PARP6: variants seen among roughly 807,000 people sequenced by gnomAD.
PARP6 encodes the protein poly(ADP-ribose) polymerase family member 6.
Under a neutral mutation model 92.0 loss-of-function variants are expected in PARP6, and 27 were observed. The observed-to-expected ratio is 0.29, with a 90% confidence interval of 0.22 to 0.40. PARP6 has a LOEUF of 0.40. Ranked by LOEUF, PARP6 falls within the 10% of genes least tolerant of loss-of-function variation. The pLI is 1.00. For missense variants in PARP6, 501 were observed against 784.5 expected, an observed-to-expected ratio of 0.64 and a Z score of 4.32; for synonymous variants, 272 against 281.2, an observed-to-expected ratio of 0.97 and a Z score of 0.33.
chr15:72,242,033 G>C lies in PARP6; in HGVS notation c.1706-48C>G, dbSNP rs2083111945. 6.6e-7 allele frequency: 1 copy of C among 1,507,302 alleles called. No homozygotes were observed. Among genetic ancestry groups the C allele is most frequent in the Non-Finnish European group, 9.2e-7 (1 of 1,082,566 alleles). The allele number at this position is 1,507,302 out of a possible 1,614,324, so 93.4% of individuals were successfully genotyped here. On this transcript the variant is annotated intron_variant, in intron 22 of 23. Transcript: ENST00000569795. This position sits in a 1 kb window ranked among gnomAD's most constrained non-coding sequence, Gnocchi z 4.3. ...TCATAGATACAATGCTTAAGGCACA[G>C]AGTCCAGGCAGGAGAAGGAAGCCAT... is the stretch of plus-strand genomic sequence containing the variant.
intron 15 of PARP6, 124 bp downstream of exon 15, chr15:72,254,331 G>C (rs1423417803): frequency 1.5e-6 from 1 of 674,628 alleles, no homozygotes; most frequent in Non-Finnish European, 2.6e-6. Flanking sequence ...AAAGAGGAAA[G>C]ACTAAAAAAA....
At chr15:72,245,586 C>T (rs1402402733) in intron 20 of PARP6, 2 of 152,184 alleles carry the variant, frequency 1.3e-5, no homozygotes, top group African/African-American at 4.8e-5. Context: ...ATAAGAAAAT[C>T]ATTTAACTTT....
At position 72,265,424 on chromosome 15, in the gene PARP6, T is replaced by C; in HGVS notation, c.226A>G (p.Ser76Gly). 1 of 1,613,320 alleles carries C rather than the reference T, an allele frequency of 6.2e-7. No homozygotes were observed. The highest frequency in any genetic ancestry group is 8.5e-7 in the Non-Finnish European group (1 of 1,179,218). The change falls in exon 6 of 24, where the codon AGC (serine) becomes GGC (glycine). Residue 76 changes from serine (S) to glycine (G), a missense_variant. Transcript: ENST00000569795. Reference protein sequence around the residue: ...DVDIDLHINISFLDEEVSTAW... With the variant: ...DVDIDLHINIGFLDEEVSTAW... ...CTAGCCCCACTTACATCGAGGAAGC[T>C]GATGTTGATGTGGAGGTCAATGTCC...
Position 72,261,607 on chromosome 15 carries a change from T to C in PARP6, c.496A>G (p.Thr166Ala). 1.9e-6 allele frequency: 3 copies of C among 1,614,142 alleles called. No homozygotes were observed. The highest frequency in any genetic ancestry group is 1.7e-6 in the Non-Finnish European group (2 of 1,179,988). The stretch of plus-strand genomic sequence containing the variant: ...AGGCCAGCTCGGAACTTCTTGATGG[T>C]ACCACTTGCCTTGAACCAACTGTGC... ...KRHSWFKASG[T>A]IKKFRAGLSI... Residue 166 changes from threonine to alanine, a missense_variant, in exon 9 of 24, where the codon ACC (threonine) becomes GCC (alanine). This residue lies in a region of PARP6 where 291 missense variants were observed against 352.0 expected (regional missense o/e 0.83). Coordinates refer to ENST00000569795, the MANE Select transcript of PARP6 (RefSeq NM_001323532.2).
chr15:72,241,512 G>A lies in PARP6; in HGVS notation c.1836C>T (p.Asp612=), dbSNP rs749244422. Residue 612 remains aspartate, a synonymous_variant, in exon 24 of 24, where the codon GAC becomes GAT. Transcript: ENST00000569795. This position sits in a 1 kb window ranked among gnomAD's most constrained non-coding sequence, Gnocchi z 4.1. ...QVGDANINTQ[D]PKIQKEIMRV... Reference sequence around the variant, plus strand: ...GCATGATTTCCTTCTGTATCTTGGGGTCCTGAGTATTAATGTTGGCATCGC... The same window carrying A: ...GCATGATTTCCTTCTGTATCTTGGGATCCTGAGTATTAATGTTGGCATCGC... 1.9e-6 allele frequency: 3 copies of A among 1,614,102 alleles called. No homozygotes were observed. Among genetic ancestry groups the A allele is most frequent in the Non-Finnish European group, 2.5e-6 (3 of 1,179,980 alleles).
At chr15:72,256,381 G>T in intron 14 of PARP6, 84 bp downstream of exon 14, 1 of 1,178,206 alleles carries the variant, frequency 8.5e-7, no homozygotes, top group Non-Finnish European at 1.1e-6. Context: ...TCCAAGCCCT[G>T]TATATACCAG....
intron 19 of PARP6, among the ~76,000 whole-genome samples, chr15:72,249,644 G>A (rs1274616912): frequency 6.6e-6 from 1 of 152,230 alleles, no homozygotes; most frequent in African/African-American, 2.4e-5. Context: ...GCCAGAAGGA[G>A]GGCCAATACA....
rs1290677896 is a variant in PARP6 at position 72,249,152 on chromosome 15, T to C, written c.1561+93A>G. 5.2e-5 allele frequency: 34 copies of C among 653,100 alleles called. No individual in the cohort carries two copies. In the Admixed American group the frequency reaches 7.1e-4, roughly 14 times the overall value. The allele number at this position is 653,100 out of a possible 1,614,324, so 40.5% of individuals were successfully genotyped here. A position where few individuals can be genotyped will look rare whatever the true frequency, so the allele number is the denominator to read the frequency against. On this transcript the variant is annotated intron_variant, in intron 20 of 23. Transcript: ENST00000569795. ...GGAGAGAGCTGACACAGACCAAGTA[T>C]CCATAATGAGGGAGGAACAGACAGC...
chr15:72,268,904 C>T (rs1336499712), intron 2 of PARP6, among the ~76,000 whole-genome samples: 3 of 152,156 alleles, frequency 2.0e-5, no homozygotes, highest in Non-Finnish European at 2.9e-5. Context: ...ATCCCACAGA[C>T]TCCTAATCCT....
chr15:72,262,855 T>C (rs2086083050), intron 8 of PARP6, among the ~76,000 whole-genome samples: 1 of 152,208 alleles, frequency 6.6e-6, no homozygotes, highest in Admixed American at 6.5e-5. Flanking sequence ...TCTTTGGGAT[T>C]TCATCTGAGT....
rs2083113605 is a variant in PARP6 at position 72,242,054 on chromosome 15, G to T, written c.1706-69C>A. ...CACAGAGTCCAGGCAGGAGAAGGAA[G>T]CCATGCCACTTCAACATCACTCTTG... On this transcript the variant is annotated intron_variant, in intron 22 of 23. Coordinates refer to ENST00000569795, the MANE Select transcript of PARP6 (RefSeq NM_001323532.2). This position sits in a 1 kb window ranked among gnomAD's most constrained non-coding sequence, Gnocchi z 4.3. 4.8e-6 allele frequency: 7 copies of T among 1,449,958 alleles called. No individual in the cohort carries two copies. The highest frequency in any genetic ancestry group is 1.7e-4 in the Middle Eastern group (1 of 5,748). The allele number at this position is 1,449,958 out of a possible 1,614,324, so 89.8% of individuals were successfully genotyped here. A position where few individuals can be genotyped will look rare whatever the true frequency, so the allele number is the denominator to read the frequency against.
At chr15:72,271,406 T>G (rs902085772) in intron 1 of PARP6, 119 bp from the exon 2 acceptor site, 1 of 152,240 alleles carries the variant, frequency 6.6e-6, no homozygotes, top group African/African-American at 2.4e-5. Flanking sequence ...TTGCTTCCTC[T>G]ACTCTCAATG....
At chr15:72,253,645 A>G in intron 15 of PARP6, 141 bp from the exon 16 acceptor site, 1 of 712,950 alleles carries the variant, frequency 1.4e-6, no homozygotes, top group Admixed American at 2.0e-5. Context: ...TAGGGTTCCC[A>G]CCCTCAAGGA....
Position 72,256,576 on chromosome 15 carries a change from C to T in PARP6, c.1014G>A (p.Leu338=), listed in dbSNP as rs778053447. 6.4e-7 allele frequency: 1 copy of T among 1,564,732 alleles called. No homozygotes were observed. The highest frequency in any genetic ancestry group is 8.6e-7 in the Non-Finnish European group (1 of 1,158,834). ...CTAAAGCTGCCCTACACATGGCCAC[C>T]AGCAGATCCACCACCTTAGGGGAAA... is the stretch of plus-strand genomic sequence containing the variant. ...VATGAEVVDL[L]VAMCRAALES... The change falls in exon 14 of 24, where the codon CTG becomes CTA. Residue 338 remains leucine, a synonymous_variant. Transcript: ENST00000569795.
At chr15:72,258,459 T>C (rs776192210) in intron 11 of PARP6, among the ~76,000 whole-genome samples, 9 of 152,184 alleles carry the variant, frequency 5.9e-5, no homozygotes, top group Non-Finnish European at 1.2e-4. Flanking sequence ...ATTCACCTCA[T>C]AGGGGTATTG....
intron 19 of PARP6, among the ~76,000 whole-genome samples, chr15:72,249,775 T>G (rs766592282): frequency 1.3e-5 from 2 of 152,184 alleles, no homozygotes; most frequent in Non-Finnish European, 2.9e-5. Flanking sequence ...AATCAGCAAT[T>G]CCATATTCCT....
intron 14 of PARP6, among the ~76,000 whole-genome samples, chr15:72,256,102 C>T (rs1567200266): frequency 6.6e-6 from 1 of 152,100 alleles, no homozygotes; most frequent in Non-Finnish European, 1.5e-5. Flanking sequence ...CAGCCTACTT[C>T]TCATTTGTAT....
chr15:72,248,001 C>T (rs960422043), intron 20 of PARP6, among the ~76,000 whole-genome samples: 3 of 152,170 alleles, frequency 2.0e-5, no homozygotes, highest in Non-Finnish European at 4.4e-5. Context: ...GAACTCCTGA[C>T]CTCAAGTGAT....
At chr15:72,252,610 C>T (rs909004656) in intron 16 of PARP6, among the ~76,000 whole-genome samples, 3 of 152,060 alleles carry the variant, frequency 2.0e-5, no homozygotes, top group Admixed American at 2.0e-4. Context: ...CTCAGCCTCC[C>T]GAGTAGCTGG....
Sources: allele counts gnomAD v4.1 joint callset (sites outside exome capture counted in the v4.1 genomes callset), GRCh38; gene constraint gnomAD v4.1.1; regional missense constraint gnomAD v4.1.1; non-coding constraint Gnocchi (gnomAD v3.1); transcripts MANE v1.5; gene names NCBI Gene and HGNC (gene_info 2026-07-23, HGNC 2026-07-21).